The following IKBKE variants were observed in gnomAD, a reference collection of about 807,000 sequenced individuals.
IKBKE encodes the protein inhibitor of nuclear factor kappa-B kinase subunit epsilon.
In IKBKE, 45 loss-of-function variants were observed where a neutral mutation model predicts 92.1. That is an observed-to-expected ratio of 0.49 (90% CI 0.38 to 0.63). The LOEUF (loss-of-function observed/expected upper bound fraction) is 0.63, where lower values mean the gene tolerates loss of function less well. Ranked by LOEUF, IKBKE falls within the 20% of genes least tolerant of loss-of-function variation. IKBKE has a pLI of 0.00. For synonymous variants in IKBKE, 374 were observed against 380.3 expected, an observed-to-expected ratio of 0.98 and a Z score of 0.19; for missense variants, 700 against 932.8, an observed-to-expected ratio of 0.75 and a Z score of 3.25.
chr1:206,473,106 T>C (rs1387026619), intron 2 of IKBKE, 90 bp from the exon 3 acceptor site: 2 of 737,040 alleles, frequency 2.7e-6, no homozygotes, highest in African/African-American at 3.6e-5. Context: ...CTTCTTAGGG[T>C]AGCCTTGGGG....
At chr1:206,477,723 C>G in intron 7 of IKBKE, 26 bp from the exon 8 acceptor site, 1 of 1,430,726 alleles carries the variant, frequency 7.0e-7, no homozygotes, top group Non-Finnish European at 9.6e-7. Flanking sequence ...CTGGGGATCC[C>G]GCTGACCTGG....
intron 5 of IKBKE, among the ~76,000 whole-genome samples, chr1:206,475,852 A>C (rs1665037509): frequency 6.6e-6 from 1 of 152,122 alleles, no homozygotes; most frequent in South Asian, 2.1e-4. Flanking sequence ...AATTGGTTAA[A>C]ATGGGAAATT....
intron 13 of IKBKE, among the ~76,000 whole-genome samples, chr1:206,481,765 G>GTTT (rs1553387096): frequency 8.5e-6 from 1 of 117,966 alleles, no homozygotes; most frequent in African/African-American, 3.3e-5. Context: ...GAAGGATGAG[G>GTTT]CTTTTTTTTT....
At chr1:206,472,885 T>C in intron 2 of IKBKE, 1 of 334,820 alleles carries the variant, frequency 3.0e-6, no homozygotes. Context: ...AGACAAGAGG[T>C]TTGTCTCTGC....
At chr1:206,488,156 C>T (rs1665764185) in intron 16 of IKBKE, among the ~76,000 whole-genome samples, 166 bp downstream of exon 16, 1 of 152,262 alleles carries the variant, frequency 6.6e-6, no homozygotes, top group African/African-American at 2.4e-5. Context: ...TTCTGTGCAG[C>T]TGCTCTAGGG....
chr1:206,474,538 C>T (rs1664952326), intron 4 of IKBKE, 67 bp downstream of exon 4: 1 of 1,440,812 alleles, frequency 6.9e-7, no homozygotes. Flanking sequence ...AGAATCAGGC[C>T]ACATGATAAC....
chr1:206,476,466 A>T lies in IKBKE; in HGVS notation c.540+104A>T. Reference sequence around the variant, plus strand: ...GGGGTGTGGCCCACCTCCTGCTTCCACAGGAGTTATGTCTCTCCCCTGTAC... The same window carrying T: ...GGGGTGTGGCCCACCTCCTGCTTCCTCAGGAGTTATGTCTCTCCCCTGTAC... On this transcript the variant is annotated intron_variant, in intron 6 of 21. Transcript: ENST00000581977. This position sits in a 1 kb window ranked among gnomAD's most constrained non-coding sequence, Gnocchi z 5.1. 1 of 1,258,036 alleles carries T rather than the reference A, an allele frequency of 7.9e-7. No individual in the cohort carries two copies. Among genetic ancestry groups the T allele is most frequent in the Non-Finnish European group, 1.1e-6 (1 of 887,628 alleles). The allele number at this position is 1,258,036 out of a possible 1,614,324, so 77.9% of individuals were successfully genotyped here.
At chr1:206,484,889 G>C in intron 13 of IKBKE, 108 bp from the exon 14 acceptor site, 5 of 883,732 alleles carry the variant, frequency 5.7e-6, no homozygotes, top group Non-Finnish European at 9.3e-6. Context: ...GAGCCACCAA[G>C]GCTGTCCCAC....
intron 17 of IKBKE, chr1:206,491,071 G>A: frequency 3.3e-6 from 2 of 610,670 alleles, no homozygotes; most frequent in East Asian, 2.7e-5. Flanking sequence ...GAAGTAACTG[G>A]ATTTACTTCT....
At chr1:206,493,805 A>G (rs2103486324) in intron 20 of IKBKE, 115 bp from the exon 21 acceptor site, 1 of 737,802 alleles carries the variant, frequency 1.4e-6, no homozygotes, top group East Asian at 2.6e-5. Flanking sequence ...GCAAACAAAA[A>G]AGAATAAAGA....
chr1:206,476,513 T>C lies in IKBKE; in HGVS notation c.540+151T>C. On this transcript the variant is annotated intron_variant, in intron 6 of 21. Transcript: ENST00000581977. The surrounding 1 kb of genome is among the most constrained non-coding windows in gnomAD (Gnocchi z 5.1). ...GTACCCCAACCAGAAGAATGCATTC[T>C]GTTCTCTAAGATGGAAAAGGTGAGG... is the stretch of plus-strand genomic sequence containing the variant. The C allele has an allele frequency of 1.8e-6, 2 of 1,120,914 alleles. No homozygotes were observed. The highest frequency in any genetic ancestry group is 1.5e-5 in the South Asian group (1 of 67,062). 69.4% of individuals were successfully genotyped at this position (1,120,914 alleles called of 1,614,324 possible). A position where few individuals can be genotyped will look rare whatever the true frequency, so the allele number is the denominator to read the frequency against.
chr1:206,494,592 CTTTTTT>C (rs58971788), intron 21 of IKBKE, among the ~76,000 whole-genome samples: 66 of 63,886 alleles, frequency 1.0e-3, no homozygotes, highest in African/African-American at 3.7e-3. Flanking sequence ...AAAGTTCTTT[CTTTTTT>C]TTTTTTTTTT....
intron 17 of IKBKE, chr1:206,491,389 C>G (rs1446295760): frequency 2.3e-6 from 1 of 432,788 alleles, no homozygotes; most frequent in Non-Finnish European, 4.3e-6. Flanking sequence ...TAAGCTTGAG[C>G]ACATGTGTGT....
At chr1:206,489,347 G>GTA (rs1665818970) in intron 16 of IKBKE, among the ~76,000 whole-genome samples, 1 of 46,558 alleles carries the variant, frequency 2.1e-5, no homozygotes, top group Non-Finnish European at 5.1e-5. Context: ...GTGTGTATAT[G>GTA]TGTGTGTGTG....
At chr1:206,495,578 C>T (rs1666195120) in intron 21 of IKBKE, among the ~76,000 whole-genome samples, 1 of 152,174 alleles carries the variant, frequency 6.6e-6, no homozygotes, top group Admixed American at 6.5e-5. Flanking sequence ...CAAGAGAACT[C>T]ATCCTCTTAA....
In IKBKE at chr1:206,492,303, A is replaced by G. The variant is rs41299858; in HGVS notation, c.1835+554A>G. The G allele has an allele frequency of 9.7e-3, 3,760 of 388,796 alleles. 142 individuals are homozygous for G. Among genetic ancestry groups the G allele is most frequent in the African/African-American group, 0.074 (3,499 of 47,344 alleles). The allele number at this position is 388,796 out of a possible 1,614,324, so 24.1% of individuals were successfully genotyped here. A position where few individuals can be genotyped will look rare whatever the true frequency, so the allele number is the denominator to read the frequency against. ...CCTTCTCAGATCAGGCCCACTCTCC[A>G]TCCCCTGCCTGTGTGAACACTGGCC... is the stretch of plus-strand genomic sequence containing the variant. On this transcript the variant is annotated intron_variant, in intron 18 of 21. Transcript: ENST00000581977.
chr1:206,474,011 C>A (rs1489527461), intron 3 of IKBKE, among the ~76,000 whole-genome samples: 2 of 150,362 alleles, frequency 1.3e-5, no homozygotes, highest in Admixed American at 1.3e-4. Flanking sequence ...GACCAGGTTC[C>A]AATCCCTTCC....
Position 206,476,027 on chromosome 1 carries a change from C to A in IKBKE, c.359-154C>A, listed in dbSNP as rs1665044281. The stretch of plus-strand genomic sequence containing the variant: ...CTTGAGATGCCCCCTAAGCCCCATG[C>A]ATGTCTCTGTCCTTCTGCCTGTCCC... On this transcript the variant is annotated intron_variant, in intron 5 of 21. Coordinates refer to ENST00000581977, the MANE Select transcript of IKBKE (RefSeq NM_014002.4). This position sits in a 1 kb window ranked among gnomAD's most constrained non-coding sequence, Gnocchi z 5.1. Among the ~76,000 whole-genome samples, 1 of 152,008 alleles carries A rather than the reference C, an allele frequency of 6.6e-6. No homozygotes were observed. The highest frequency in any genetic ancestry group is 2.4e-5 in the African/African-American group (1 of 41,376).
intron 4 of IKBKE, 97 bp downstream of exon 4, chr1:206,474,568 C>A: frequency 7.9e-7 from 1 of 1,263,142 alleles, no homozygotes; most frequent in Non-Finnish European, 1.1e-6. Context: ...GTCCCATGCT[C>A]ATCAGCAGGT....
Sources: gnomAD v4.1 joint callset for allele counts (sites outside exome capture counted in the v4.1 genomes callset) on GRCh38, gnomAD v4.1.1 for gene constraint, Gnocchi (gnomAD v3.1) non-coding constraint, MANE v1.5 for transcripts, NCBI Gene and HGNC (gene_info 2026-07-23, HGNC 2026-07-21) for gene names.